The following STAG1 variants were observed in gnomAD, a reference collection of about 807,000 sequenced individuals.
STAG1 encodes the protein cohesin subunit SA-1.
A neutral mutation model predicts 170.9 loss-of-function variants in STAG1; 26 were observed. The observed-to-expected ratio is 0.15, with a 90% CI of 0.11 to 0.21. The LOEUF (loss-of-function observed/expected upper bound fraction) is 0.21, where lower values mean the gene tolerates loss of function less well. STAG1 is among the 10% of genes least tolerant of loss of function. The pLI is 1.00. For missense variants in STAG1, 964 were observed against 1,509.5 expected, an observed-to-expected ratio of 0.64 and a Z score of 5.99; for synonymous variants, 514 against 497.7, an observed-to-expected ratio of 1.03 and a Z score of -0.44.
At chr3:136,464,440 A>AAC (rs2089391886) in intron 13 of STAG1, among the ~76,000 whole-genome samples, 1 of 151,884 alleles carries the variant, frequency 6.6e-6, no homozygotes, top group African/African-American at 2.4e-5. Context: ...AAACAAAAAA[A>AAC]CAAAAAAATC....
intron 7 of STAG1, among the ~76,000 whole-genome samples, chr3:136,505,402 A>G (rs1014505050): frequency 6.6e-6 from 1 of 152,256 alleles, no homozygotes; most frequent in African/African-American, 2.4e-5. Flanking sequence ...TTAGAAGGTC[A>G]TTATGAGCAA....
chr3:136,354,754 C>CAAAA lies in STAG1; in HGVS notation c.3065+2962_3065+2965dup. Among the ~76,000 whole-genome samples, 6 of 6,506 alleles carry CAAAA rather than the reference C, an allele frequency of 9.2e-4. 2 individuals carry two copies. Among genetic ancestry groups the CAAAA allele is most frequent in the African/African-American group, 1.4e-3 (2 of 1,382 alleles). 4.3% of individuals were successfully genotyped at this position (6,506 alleles called of 152,430 possible). ...AAGAAGGCAGTAAAGGAGAAAGAACCAAAAAAAAAAAAAACCAAAAAACAA... is the reference window on the plus strand; with the variant it reads ...AAGAAGGCAGTAAAGGAGAAAGAACCAAAAAAAAAAAAAAAAAACCAAAAAACAA... On this transcript the variant is annotated intron_variant, in intron 28 of 33. Coordinates refer to ENST00000383202, the MANE Select transcript of STAG1 (RefSeq NM_005862.3).
intron 15 of STAG1, among the ~76,000 whole-genome samples, chr3:136,440,835 C>CA (rs2088608530): frequency 1.3e-5 from 2 of 151,336 alleles, no homozygotes; most frequent in Admixed American, 6.6e-5. Flanking sequence ...ACTGAAAATA[C>CA]AAAAAAAATT....
Position 136,417,976 on chromosome 3 carries a change from A to C in STAG1, c.2109-4T>G. On this transcript the variant is annotated splice_polypyrimidine_tract_variant and splice_region_variant and intron_variant, in intron 20 of 33. Transcript: ENST00000383202. ...CCATTTTGTGAGATCATGTGCACTG[A>C]AATAAACAAAAATGCATCTGTTTTA... 12 of 1,596,922 alleles carry C rather than the reference A, an allele frequency of 7.5e-6. No individual in the cohort carries two copies. The highest frequency in any genetic ancestry group is 1.0e-5 in the Non-Finnish European group (12 of 1,164,682).
At chr3:136,615,824 G>A (rs1324578837) in intron 3 of STAG1, among the ~76,000 whole-genome samples, 10 of 151,078 alleles carry the variant, frequency 6.6e-5, no homozygotes, top group African/African-American at 1.5e-4. Context: ...ATTCCCACCC[G>A]GCACTATTAA....
intron 28 of STAG1, among the ~76,000 whole-genome samples, chr3:136,352,919 T>C (rs569258373): frequency 9.2e-5 from 14 of 152,328 alleles, no homozygotes; most frequent in African/African-American, 3.4e-4. Flanking sequence ...TGTAACCCCA[T>C]CTTAAATCCA....
chr3:136,379,880 G>C (rs773433971), intron 22 of STAG1, among the ~76,000 whole-genome samples: 4 of 152,192 alleles, frequency 2.6e-5, no homozygotes, highest in Non-Finnish European at 4.4e-5. Flanking sequence ...ATATTGTCCT[G>C]CTGGCAATGA....
intron 22 of STAG1, among the ~76,000 whole-genome samples, chr3:136,394,267 T>C (rs1304927152): frequency 1.3e-5 from 2 of 152,096 alleles, no homozygotes. Flanking sequence ...AGATTATCAC[T>C]TAGAGAACCA....
chr3:136,460,323 C>T lies in STAG1; in HGVS notation c.1313+4558G>A, dbSNP rs1263100788. The stretch of plus-strand genomic sequence containing the variant: ...GAACCATAAAGAAATAGAAAACTGC[C>T]GGGCACGGTGGCTCACGCCTTTAGT... On this transcript the variant is annotated intron_variant, in intron 13 of 33. Coordinates refer to ENST00000383202, the MANE Select transcript of STAG1 (RefSeq NM_005862.3). 5.3e-5 allele frequency among the ~76,000 whole-genome samples: 8 copies of T among 152,068 alleles called. No individual in the cohort carries two copies. The South Asian group carries it at 6.2e-4, about 12-fold the overall frequency.
intron 4 of STAG1, among the ~76,000 whole-genome samples, chr3:136,588,879 C>T (rs1047095234): frequency 2.0e-5 from 3 of 152,180 alleles, no homozygotes; most frequent in African/African-American, 7.2e-5. Context: ...TCTCCTGCTT[C>T]AGCCTCCCAA....
At chr3:136,545,571 G>C (rs750026720) in intron 5 of STAG1, among the ~76,000 whole-genome samples, 17 of 152,146 alleles carry the variant, frequency 1.1e-4, no homozygotes, top group Non-Finnish European at 2.9e-5. Flanking sequence ...TAGTAATGCA[G>C]TGACTACATT....
At chr3:136,577,727 C>T (rs1937509920) in intron 4 of STAG1, among the ~76,000 whole-genome samples, 1 of 152,094 alleles carries the variant, frequency 6.6e-6, no homozygotes, top group Non-Finnish European at 1.5e-5. Flanking sequence ...CACTATAACC[C>T]AGAAGAAAAT....
intron 28 of STAG1, among the ~76,000 whole-genome samples, chr3:136,351,768 G>C (rs550914837): frequency 6.6e-6 from 1 of 152,166 alleles, no homozygotes; most frequent in Non-Finnish European, 1.5e-5. Flanking sequence ...CTTCCAAGCT[G>C]CTAGTCCCTG....
intron 1 of STAG1, chr3:136,737,184 G>A: frequency 2.7e-6 from 2 of 728,368 alleles, no homozygotes; most frequent in Non-Finnish European, 2.5e-6. Context: ...GGTCATAAAT[G>A]CTGCCTCCGC....
At chr3:136,637,970 C>T (rs991643741) in intron 1 of STAG1, among the ~76,000 whole-genome samples, 1 of 151,576 alleles carries the variant, frequency 6.6e-6, no homozygotes, top group Non-Finnish European at 1.5e-5. Context: ...AACTCCTGGG[C>T]CCAAGTGATC....
chr3:136,419,698 A>G (rs1296636104), intron 20 of STAG1, among the ~76,000 whole-genome samples: 1 of 150,984 alleles, frequency 6.6e-6, no homozygotes, highest in Non-Finnish European at 1.5e-5. Context: ...CCTGGGCTCA[A>G]GTGATCCACC....
chr3:136,738,017 G>A lies in STAG1; in HGVS notation c.-84+14178C>T, dbSNP rs563806262. 5.8e-4 allele frequency among the ~76,000 whole-genome samples: 88 copies of A among 152,212 alleles called. 1 individual carries two copies. The South Asian group carries it at 0.017, about 30-fold the overall frequency. ...TAGGAGGTGGAGGTTGCAGTGAGCC[G>A]AGATTGTGCCATTGCAGTCCAGCCT... On this transcript the variant is annotated intron_variant, in intron 1 of 33. Transcript: ENST00000383202.
At chr3:136,340,283 T>G (rs1305775433) in intron 32 of STAG1, among the ~76,000 whole-genome samples, 1 of 152,032 alleles carries the variant, frequency 6.6e-6, no homozygotes, top group Admixed American at 6.6e-5. Flanking sequence ...CCACCACGCC[T>G]GGCTAATTTT....
At chr3:136,369,698 G>C (rs565855628) in intron 23 of STAG1, among the ~76,000 whole-genome samples, 1 of 152,076 alleles carries the variant, frequency 6.6e-6, no homozygotes, top group Non-Finnish European at 1.5e-5. Flanking sequence ...AATCAAATTA[G>C]CATAAAATTT....
Sources: allele counts gnomAD v4.1 joint callset (sites outside exome capture counted in the v4.1 genomes callset), GRCh38; gene constraint gnomAD v4.1.1; transcripts MANE v1.5; gene names NCBI Gene and HGNC (gene_info 2026-07-23, HGNC 2026-07-21).